MPZL3: variants seen among roughly 807,000 people sequenced by gnomAD.
MPZL3 encodes the protein myelin protein zero like 3.
A neutral mutation model predicts 24.8 loss-of-function variants in MPZL3; 23 were observed. The ratio of observed to expected loss-of-function variants is 0.93; its 90% CI spans 0.67 to 1.31. MPZL3 has a LOEUF of 1.31. MPZL3 is among the 40% of genes most tolerant of loss of function. The pLI is 0.00. For synonymous variants in MPZL3, 99 were observed against 106.5 expected (o/e 0.93, Z 0.44); for missense variants, 277 against 294.9 (o/e 0.94, Z 0.44).
At chr11:118,240,083 T>A in intron 2 of MPZL3, 128 bp downstream of exon 2, 2 of 877,506 alleles carry the variant, frequency 2.3e-6, no homozygotes, top group Non-Finnish European at 3.3e-6. Flanking sequence ...AAAGTTCATC[T>A]ATCTCTATTA....
intron 1 of MPZL3, among the ~76,000 whole-genome samples, chr11:118,247,077 G>C (rs1475069478): frequency 6.6e-6 from 1 of 152,164 alleles, no homozygotes. Context: ...ATGGCACCAA[G>C]AGAGGGAGGG....
At chr11:118,239,445 A>G (rs931331493) in intron 2 of MPZL3, among the ~76,000 whole-genome samples, 1 of 152,242 alleles carries the variant, frequency 6.6e-6, no homozygotes, top group African/African-American at 2.4e-5. Flanking sequence ...ACTTTAAAAA[A>G]TACAATCTTC....
chr11:118,250,184 T>G (rs1203786619), intron 1 of MPZL3, among the ~76,000 whole-genome samples: 1 of 146,958 alleles, frequency 6.8e-6, no homozygotes, highest in Non-Finnish European at 1.5e-5. Flanking sequence ...TTTTTTTTTT[T>G]TTTTTTTTTT....
chr11:118,240,167 A>G (rs1949474426), intron 2 of MPZL3, 44 bp downstream of exon 2: 2 of 1,491,774 alleles, frequency 1.3e-6, no homozygotes, highest in South Asian at 2.8e-5. Context: ...AAACAATTCC[A>G]AAACTGTTGA....
At chr11:118,233,354 C>A in intron 5 of MPZL3, 106 bp downstream of exon 5, 1 of 1,270,358 alleles carries the variant, frequency 7.9e-7, no homozygotes, top group Non-Finnish European at 1.1e-6. Context: ...CTTGCTTGGA[C>A]CTACCTGCAT....
At chr11:118,232,216 C>T (rs887168535) in intron 5 of MPZL3, among the ~76,000 whole-genome samples, 5 of 152,270 alleles carry the variant, frequency 3.3e-5, no homozygotes, top group East Asian at 1.9e-4. Context: ...CTGCCTGAAA[C>T]GCTCCTCCAC....
chr11:118,248,747 T>G (rs934777893), intron 1 of MPZL3, among the ~76,000 whole-genome samples: 1 of 152,236 alleles, frequency 6.6e-6, no homozygotes, highest in African/African-American at 2.4e-5. Flanking sequence ...TTCTTGATTT[T>G]TTTTGGTTCT....
rs1229627233 is a variant in MPZL3, at chr11:118,233,554, C to T, written c.618-31G>A. Reference sequence around the variant, plus strand: ...AAAAGAGGACAAACCAAATCTGAATCACCACTATCCTCAATAGAGTAGAGC... The same window carrying T: ...AAAAGAGGACAAACCAAATCTGAATTACCACTATCCTCAATAGAGTAGAGC... On this transcript the variant is annotated intron_variant, in intron 4 of 5. Coordinates refer to ENST00000278949, the MANE Select transcript of MPZL3 (RefSeq NM_198275.3). 3 of 1,607,828 alleles carry T rather than the reference C, an allele frequency of 1.9e-6. No individual in the cohort carries two copies. The East Asian group carries it at 6.7e-5, about 36-fold the overall frequency.
chr11:118,252,209 C>G lies in MPZL3; in HGVS notation c.73+13G>C, dbSNP rs377516674. On this transcript the variant is annotated intron_variant, in intron 1 of 5. Transcript: ENST00000278949. ...CCGGCCGGAAGTGGAGCGTAGCCAG[C>G]CGGAGCACTCACCCTGGAAGAACAG... 5.0e-6 allele frequency: 8 copies of G among 1,613,166 alleles called. No homozygotes were observed. Among genetic ancestry groups the G allele is most frequent in the Non-Finnish European group, 6.8e-6 (8 of 1,179,804 alleles).
At position 118,240,394 on chromosome 11, in the gene MPZL3, CAA is replaced by C. The variant is rs1379660480; in HGVS notation, c.74-19_74-18del. 1 of 1,594,308 alleles carries C rather than the reference CAA, an allele frequency of 6.3e-7. No individual in the cohort carries two copies. Among genetic ancestry groups the C allele is most frequent in the African/African-American group, 1.4e-5 (1 of 73,598 alleles). ...TATAAACACCTAATCAAAGCAAACC[CAA>C]ACACTTAAAATGCATTCATGTGGGT... On this transcript the variant is annotated intron_variant, in intron 1 of 5. Coordinates refer to ENST00000278949, the MANE Select transcript of MPZL3 (RefSeq NM_198275.3).
At chr11:118,240,122 T>G in intron 2 of MPZL3, 89 bp downstream of exon 2, 7 of 1,288,438 alleles carry the variant, frequency 5.4e-6, no homozygotes, top group Non-Finnish European at 6.3e-6. Context: ...TACTCTAAGA[T>G]GAGATGGCCT....
intron 1 of MPZL3, among the ~76,000 whole-genome samples, chr11:118,240,779 A>T (rs1292226959): frequency 1.1e-4 from 13 of 120,852 alleles, no homozygotes; most frequent in African/African-American, 3.9e-4. Context: ...ACACACACAC[A>T]CACACTCTGG....
intron 5 of MPZL3, among the ~76,000 whole-genome samples, chr11:118,232,384 T>A (rs1236744180): frequency 1.3e-5 from 2 of 152,092 alleles, no homozygotes; most frequent in Admixed American, 1.3e-4. Context: ...ATACTATATA[T>A]TTTACTTATT....
At position 118,228,758 on chromosome 11, in the gene MPZL3, C is replaced by A. The variant is rs2134689336; in HGVS notation, c.*1136G>T. On this transcript the variant is annotated 3_prime_UTR_variant, in exon 6 of 6. Transcript: ENST00000278949. ...AGAACTCCTGAAATACTCCATAAGC[C>A]CCCCACTAAAAACCTGTAAAGAGTT... 1 of 152,202 alleles carries A rather than the reference C, an allele frequency of 6.6e-6. No individual in the cohort carries two copies. The highest frequency in any genetic ancestry group is 6.5e-5 in the Admixed American group (1 of 15,288). 9.4% of individuals were successfully genotyped at this position (152,202 alleles called of 1,614,324 possible). A position where few individuals can be genotyped will look rare whatever the true frequency, so the allele number is the denominator to read the frequency against.
chr11:118,249,335 C>G (rs1418817674), intron 1 of MPZL3, among the ~76,000 whole-genome samples: 2 of 152,102 alleles, frequency 1.3e-5, no homozygotes, highest in Non-Finnish European at 2.9e-5. Flanking sequence ...GTGTACTTTT[C>G]TCTACATATA....
At chr11:118,230,420 A>T (rs1303000146) in intron 5 of MPZL3, among the ~76,000 whole-genome samples, 1 of 152,192 alleles carries the variant, frequency 6.6e-6, no homozygotes, top group Non-Finnish European at 1.5e-5. Flanking sequence ...TACACCTCAT[A>T]GAACTGTTAT....
chr11:118,235,114 T>C (rs1949405540), intron 4 of MPZL3, among the ~76,000 whole-genome samples: 2 of 152,090 alleles, frequency 1.3e-5, no homozygotes, highest in South Asian at 2.1e-4. Context: ...GGAAAAATAA[T>C]TGACCTGGAA....
Position 118,227,213 on chromosome 11 carries a change from A to C in MPZL3, c.*2681T>G, listed in dbSNP as rs1949281689. On this transcript the variant is annotated 3_prime_UTR_variant, in exon 6 of 6. Coordinates refer to ENST00000278949, the MANE Select transcript of MPZL3 (RefSeq NM_198275.3). ...GCATAAAACTTAAAGTCATGTAACC[A>C]CATGTAAAAACTTCAGCAGCTAAAG... The C allele has an allele frequency of 6.6e-6, 1 of 152,234 alleles. No homozygotes were observed. Among genetic ancestry groups the C allele is most frequent in the African/African-American group, 2.4e-5 (1 of 41,462 alleles). The allele number at this position is 152,234 out of a possible 1,614,324, so 9.4% of individuals were successfully genotyped here. A position where few individuals can be genotyped will look rare whatever the true frequency, so the allele number is the denominator to read the frequency against.
intron 5 of MPZL3, among the ~76,000 whole-genome samples, chr11:118,231,814 AC>A (rs1383259517): frequency 6.6e-6 from 1 of 151,714 alleles, no homozygotes; most frequent in African/African-American, 2.4e-5. Context: ...ACTCCTCACC[AC>A]CTCCACCACC....
Sources: allele counts gnomAD v4.1 joint callset (sites outside exome capture counted in the v4.1 genomes callset), GRCh38; gene constraint gnomAD v4.1.1; transcripts MANE v1.5; gene names NCBI Gene and HGNC (gene_info 2026-07-23, HGNC 2026-07-21).